The following SEMA6D variants were observed in gnomAD, a reference collection of about 807,000 sequenced individuals.
SEMA6D encodes the protein semaphorin-6D.
In SEMA6D, 35 loss-of-function variants were observed where a neutral mutation model predicts 106.6. The observed-to-expected ratio is 0.33, with a 90% CI of 0.25 to 0.44. The LOEUF is 0.44. Ranked by LOEUF, SEMA6D falls within the 20% of genes least tolerant of loss-of-function variation. SEMA6D has a pLI of 1.00. For missense variants in SEMA6D, 1,185 were observed against 1,345.9 expected (o/e 0.88, Z 1.87); for synonymous variants, 499 against 487.7 (o/e 1.02, Z -0.31).
chr15:47,345,594 A>G lies in SEMA6D; in HGVS notation c.-238-66799A>G, dbSNP rs1251676710. On this transcript the variant is annotated intron_variant, in intron 1 of 19. Coordinates refer to the SEMA6D transcript ENST00000558014. Reference sequence around the variant, plus strand: ...AGACCTAAATATAAAACCTAAAACTATAAAACTTCAAGAAGAAAATGTAAG... The same window carrying G: ...AGACCTAAATATAAAACCTAAAACTGTAAAACTTCAAGAAGAAAATGTAAG... Among the ~76,000 whole-genome samples the G allele has an allele frequency of 2.6e-5, 4 of 152,214 alleles. No homozygotes were observed. In the East Asian group the frequency reaches 5.8e-4, roughly 22 times the overall value.
intron 3 of SEMA6D, among the ~76,000 whole-genome samples, chr15:47,569,410 C>G (rs1016248443): frequency 3.3e-5 from 5 of 152,104 alleles, no homozygotes; most frequent in African/African-American, 9.7e-5. Flanking sequence ...TGCCCATGGT[C>G]ATTATTGATA....
At chr15:47,539,132 T>C (rs1454890639) in intron 3 of SEMA6D, among the ~76,000 whole-genome samples, 1 of 152,246 alleles carries the variant, frequency 6.6e-6, no homozygotes, top group African/African-American at 2.4e-5. Flanking sequence ...TGCTGAATTT[T>C]ATTATCTAGC....
intron 4 of SEMA6D, among the ~76,000 whole-genome samples, chr15:47,622,642 G>A (rs1261708865): frequency 6.6e-6 from 1 of 152,188 alleles, no homozygotes; most frequent in Non-Finnish European, 1.5e-5. Context: ...CAGTAAGGGA[G>A]AGGGGGTTGC....
At chr15:47,232,272 T>G (rs1465944531) in intron 1 of SEMA6D, among the ~76,000 whole-genome samples, 1 of 152,046 alleles carries the variant, frequency 6.6e-6, no homozygotes, top group East Asian at 1.9e-4. Context: ...TTAGGTTGTT[T>G]CCACCTTTTG....
At chr15:47,266,330 T>C (rs183445108) in intron 1 of SEMA6D, among the ~76,000 whole-genome samples, 4 of 152,164 alleles carry the variant, frequency 2.6e-5, no homozygotes, top group African/African-American at 9.6e-5. Flanking sequence ...AACTGTCTGT[T>C]TTAGGACTGC....
At chr15:47,548,961 T>A (rs1243898060) in intron 3 of SEMA6D, among the ~76,000 whole-genome samples, 5 of 152,072 alleles carry the variant, frequency 3.3e-5, no homozygotes, top group Non-Finnish European at 7.4e-5. Flanking sequence ...GCAACAAGTG[T>A]AGATCATGAA....
chr15:47,757,937 G>T (rs1212459948), intron 1 of SEMA6D, among the ~76,000 whole-genome samples: 1 of 152,082 alleles, frequency 6.6e-6, no homozygotes, highest in African/African-American at 2.4e-5. Context: ...TACAGATAAA[G>T]AAACTAATGC....
At chr15:47,342,645 G>A (rs914258624) in intron 1 of SEMA6D, among the ~76,000 whole-genome samples, 1 of 152,176 alleles carries the variant, frequency 6.6e-6, no homozygotes, top group Admixed American at 6.5e-5. Flanking sequence ...TCTTAGTGCA[G>A]TGATTACTAA....
intron 1 of SEMA6D, among the ~76,000 whole-genome samples, chr15:47,228,160 A>ACT (rs2031929394): frequency 8.0e-6 from 1 of 125,146 alleles, no homozygotes; most frequent in Non-Finnish European, 1.7e-5. Context: ...ACACACACAC[A>ACT]CACATATATA....
At chr15:47,431,515 G>T (rs138676320) in intron 2 of SEMA6D, among the ~76,000 whole-genome samples, 2 of 152,060 alleles carry the variant, frequency 1.3e-5, no homozygotes, top group Non-Finnish European at 2.9e-5. Context: ...ACATCCTCCC[G>T]CAGTGATTCC....
Position 47,360,480 on chromosome 15 carries a change from C to A in SEMA6D, c.-238-51913C>A, listed in dbSNP as rs188166691. Among the ~76,000 whole-genome samples, 512 of 152,326 alleles carry A rather than the reference C, an allele frequency of 3.4e-3. 1 individual carries two copies. Among genetic ancestry groups the A allele is most frequent in the Non-Finnish European group, 4.5e-3 (304 of 68,032 alleles). On this transcript the variant is annotated intron_variant, in intron 1 of 19. Transcript: ENST00000558014. Reference sequence around the variant, plus strand: ...AGTCACACTGGCCACATTTCAAATGCTCAGTCACCACATGTGATTAATGGC... The same window carrying A: ...AGTCACACTGGCCACATTTCAAATGATCAGTCACCACATGTGATTAATGGC...
chr15:47,219,136 TC>T (rs774734824), intron 1 of SEMA6D, among the ~76,000 whole-genome samples: 1 of 152,204 alleles, frequency 6.6e-6, no homozygotes, highest in South Asian at 2.1e-4. Context: ...GAGTAATTTT[TC>T]AATGACCATC....
At chr15:47,542,012 A>G (rs371646527) in intron 3 of SEMA6D, among the ~76,000 whole-genome samples, 2 of 152,220 alleles carry the variant, frequency 1.3e-5, no homozygotes, top group Non-Finnish European at 2.9e-5. Context: ...TTATATATGC[A>G]TATATACAGA....
chr15:47,322,921 A>G (rs2036978798), intron 1 of SEMA6D, among the ~76,000 whole-genome samples: 1 of 152,186 alleles, frequency 6.6e-6, no homozygotes, highest in African/African-American at 2.4e-5. Flanking sequence ...TGTATTTGCA[A>G]AATTTGTTAC....
intron 4 of SEMA6D, among the ~76,000 whole-genome samples, chr15:47,605,837 C>T (rs1400427247): frequency 6.6e-6 from 1 of 152,212 alleles, no homozygotes; most frequent in African/African-American, 2.4e-5. Flanking sequence ...TGTTCACCAA[C>T]CCAGAAGCTC....
chr15:47,695,516 A>G (rs1017263158), intron 4 of SEMA6D, among the ~76,000 whole-genome samples: 1 of 152,020 alleles, frequency 6.6e-6, no homozygotes, highest in African/African-American at 2.4e-5. Flanking sequence ...ACACGCATAG[A>G]CACACACACG....
At chr15:47,362,205 C>G (rs1438714439) in intron 1 of SEMA6D, among the ~76,000 whole-genome samples, 1 of 152,094 alleles carries the variant, frequency 6.6e-6, no homozygotes, top group Admixed American at 6.6e-5. Flanking sequence ...CAGGGCCCAG[C>G]TGGCTACATA....
At chr15:47,447,530 G>A (rs577247006) in intron 2 of SEMA6D, among the ~76,000 whole-genome samples, 49 of 152,076 alleles carry the variant, frequency 3.2e-4, no homozygotes, top group Non-Finnish European at 6.8e-4. Context: ...CCTCCTGGGG[G>A]GTGGCACACC....
intron 1 of SEMA6D, among the ~76,000 whole-genome samples, chr15:47,755,224 G>T (rs11854427): frequency 6.6e-6 from 1 of 151,936 alleles, no homozygotes; most frequent in Non-Finnish European, 1.5e-5. Context: ...TATTACAGGC[G>T]TGAGCCACCA....
Sources: gnomAD v4.1 joint callset for allele counts (sites outside exome capture counted in the v4.1 genomes callset) on GRCh38, gnomAD v4.1.1 for gene constraint, MANE v1.5 for transcripts, NCBI Gene and HGNC (gene_info 2026-07-23, HGNC 2026-07-21) for gene names.